The following C3orf22 variants were observed in gnomAD, a reference collection of about 807,000 sequenced individuals.
C3orf22 encodes uncharacterized protein C3orf22.
Under a neutral mutation model 10.8 loss-of-function variants are expected in C3orf22, and 7 were observed. That is an observed-to-expected ratio of 0.65 (90% CI 0.37 to 1.22). C3orf22 has a LOEUF of 1.22. C3orf22 is among the 50% of genes most tolerant of loss of function. The pLI, the probability that C3orf22 is intolerant of heterozygous loss-of-function variation, is 0.02. For synonymous variants in C3orf22, 79 were observed against 78.9 expected, an observed-to-expected ratio of 1.00 and a Z score of 0.00; for missense variants, 173 against 177.0, an observed-to-expected ratio of 0.98 and a Z score of 0.13.
chr3:126,529,480 A>C, intron 4 of C3orf22: 5 of 1,028,110 alleles, frequency 4.9e-6, no homozygotes, highest in Non-Finnish European at 6.4e-6. Context: ...CTGGGGTCAA[A>C]TTCTGTTTCT....
intron 3 of C3orf22, among the ~76,000 whole-genome samples, chr3:126,551,634 C>T (rs991515814): frequency 2.0e-5 from 3 of 152,212 alleles, no homozygotes; most frequent in Admixed American, 2.0e-4. Context: ...TTAGCCGGCC[C>T]AGTGCAGCCA....
At chr3:126,536,403 G>T in intron 4 of C3orf22, 8 of 1,455,294 alleles carry the variant, frequency 5.5e-6, no homozygotes, top group Non-Finnish European at 7.7e-6. Flanking sequence ...ATCCCAGCCA[G>T]GAGCCTGACA....
In C3orf22 at chr3:126,552,057, T is replaced by A. The variant is rs755298812; in HGVS notation, c.155A>T (p.Asn52Ile). 6.2e-7 allele frequency: 1 copy of A among 1,613,780 alleles called. No individual in the cohort carries two copies. Among genetic ancestry groups the A allele is most frequent in the South Asian group, 1.1e-5 (1 of 91,014 alleles). The change falls in exon 3 of 4, where the codon AAC becomes ATC. Residue 52 changes from asparagine (N) to isoleucine (I), a missense_variant. Physicochemically the swap from Asn to Ile is moderately radical, Grantham distance 149 (BLOSUM62 -3). Coordinates refer to ENST00000318225, the MANE Select transcript of C3orf22 (RefSeq NM_152533.3). ...CTTCTGCAGGGGCAGCTGCACCGTG[T>A]TCGAGTCGTTTGTGACCTCCCAGGG... ...LQPWEVTNDSNTVQLPLQKRL... is the reference protein window; with the variant it reads ...LQPWEVTNDSITVQLPLQKRL...
At chr3:126,531,761 T>C (rs926046495) in intron 4 of C3orf22, among the ~76,000 whole-genome samples, 7 of 152,270 alleles carry the variant, frequency 4.6e-5, no homozygotes, top group African/African-American at 1.7e-4. Flanking sequence ...TGAATAATGC[T>C]GATGGGAACA....
intron 2 of C3orf22, 54 bp downstream of exon 2, chr3:126,553,248 T>C (rs1207416295): frequency 1.6e-6 from 2 of 1,271,660 alleles, no homozygotes; most frequent in Non-Finnish European, 2.3e-6. Context: ...CCCAGGATGC[T>C]GGGGTGACCT....
intron 2 of C3orf22, 143 bp from the exon 3 acceptor site, chr3:126,552,265 C>T: frequency 7.6e-7 from 1 of 1,324,498 alleles, no homozygotes; most frequent in Non-Finnish European, 1.0e-6. Flanking sequence ...GACAAGCATG[C>T]TGTGAGGCAG....
At chr3:126,557,227 C>T (rs1937369516) in intron 1 of C3orf22, among the ~76,000 whole-genome samples, 1 of 152,236 alleles carries the variant, frequency 6.6e-6, no homozygotes, top group Non-Finnish European at 1.5e-5. Flanking sequence ...TCCTCTGCTG[C>T]GTGACCTGGG....
At chr3:126,537,402 A>G (rs1450604578) in intron 4 of C3orf22, among the ~76,000 whole-genome samples, 1 of 152,262 alleles carries the variant, frequency 6.6e-6, no homozygotes, top group Admixed American at 6.5e-5. Context: ...TAAGCAAGGA[A>G]GGACAGCATC....
chr3:126,553,391 C>T lies in C3orf22; in HGVS notation c.-1G>A. The T allele has an allele frequency of 6.2e-7, 1 of 1,613,782 alleles. No individual in the cohort carries two copies. Among genetic ancestry groups the T allele is most frequent in the South Asian group, 1.1e-5 (1 of 91,072 alleles). ...ACTTCTTGCAGGCACTGGAGTCCAT[C>T]ACTGAGTGGGTTAAGCTGAGGCACA... On this transcript the variant is annotated 5_prime_UTR_variant, in exon 2 of 4. Coordinates refer to ENST00000318225, the MANE Select transcript of C3orf22 (RefSeq NM_152533.3).
At chr3:126,543,817 G>A (rs1021367535) in intron 4 of C3orf22, among the ~76,000 whole-genome samples, 3 of 152,164 alleles carry the variant, frequency 2.0e-5, no homozygotes, top group African/African-American at 7.2e-5. Context: ...CTCCCCCAGG[G>A]CTGTGTCCAG....
downstream of C3orf22, among the ~76,000 whole-genome samples, chr3:126,546,284 C>T (rs1937066706): frequency 6.6e-6 from 1 of 152,210 alleles, no homozygotes. Flanking sequence ...GATAAATGCT[C>T]CAGCTTTTAT....
rs1253957423 is a variant in C3orf22, at chr3:126,550,002, A to C, written c.292T>G (p.Cys98Gly). The change falls in exon 4 of 4, where the codon TGC (cysteine) becomes GGC (glycine). Residue 98 changes from cysteine to glycine, a missense_variant. Cys to Gly is a radical substitution (Grantham distance 159). Coordinates refer to ENST00000318225, the MANE Select transcript of C3orf22 (RefSeq NM_152533.3). Reference protein sequence around the residue: ...PLPAPSPPPLCNLWELKLLSR... With the variant: ...PLPAPSPPPLGNLWELKLLSR... ...AGCAACTTGAGTTCCCAAAGGTTGC[A>C]CAGTGGAGGTGGTGATGGTGCTGGT... The C allele has an allele frequency of 1.9e-6, 3 of 1,613,974 alleles. No individual in the cohort carries two copies. The highest frequency in any genetic ancestry group is 2.5e-6 in the Non-Finnish European group (3 of 1,180,006).
At position 126,549,842 on chromosome 3, in the gene C3orf22, A is replaced by T; in HGVS notation, c.*26T>A. 6.3e-7 allele frequency: 1 copy of T among 1,588,556 alleles called. No individual in the cohort carries two copies. Among genetic ancestry groups the T allele is most frequent in the South Asian group, 1.1e-5 (1 of 87,554 alleles). On this transcript the variant is annotated 3_prime_UTR_variant, in exon 4 of 4. Coordinates refer to ENST00000318225, the MANE Select transcript of C3orf22 (RefSeq NM_152533.3). ...CCTGCCAAGGAGAAGGTGGCCAATA[A>T]GAAGGCCACACACAGAGCCCAGTCT...
intron 4 of C3orf22, among the ~76,000 whole-genome samples, chr3:126,536,896 AACACACACACACACACAC>A (rs10670471): frequency 7.1e-6 from 1 of 140,400 alleles, no homozygotes; most frequent in Non-Finnish European, 1.6e-5. Flanking sequence ...CACACACACA[AACACACACACACACACAC>A]ACACACACAC....
intron 4 of C3orf22, chr3:126,541,890 C>T: frequency 6.2e-7 from 1 of 1,600,442 alleles, no homozygotes. Flanking sequence ...TGCTACGTGC[C>T]CAAGGTGGCC....
chr3:126,539,759 A>AAAAGTGTG (rs2107571470), intron 4 of C3orf22, among the ~76,000 whole-genome samples: 1 of 70,758 alleles, frequency 1.4e-5, no homozygotes, highest in African/African-American at 6.6e-5. Flanking sequence ...CACACACTCC[A>AAAAGTGTG]CACCACACAC....
chr3:126,539,806 CACACACCACAA>C, intron 4 of C3orf22, among the ~76,000 whole-genome samples: 1 of 103,778 alleles, frequency 9.6e-6, no homozygotes, highest in African/African-American at 4.3e-5. Context: ...GACACCACAC[CACACACCACAA>C]ACACACATAC....
At chr3:126,541,981 G>C (rs374527763) in intron 4 of C3orf22, 1 of 1,569,920 alleles carries the variant, frequency 6.4e-7, no homozygotes, top group African/African-American at 1.4e-5. Flanking sequence ...CGCAAGAGGC[G>C]CACGCGCCTG....
chr3:126,543,709 A>G (rs986777251), intron 4 of C3orf22, among the ~76,000 whole-genome samples: 1 of 150,134 alleles, frequency 6.7e-6, no homozygotes, highest in Non-Finnish European at 1.5e-5. Flanking sequence ...TATGAGTGTA[A>G]GAGTGTGCAT....
Sources: allele counts gnomAD v4.1 joint callset (sites outside exome capture counted in the v4.1 genomes callset), GRCh38; gene constraint gnomAD v4.1.1; transcripts MANE v1.5; gene names NCBI Gene and HGNC (gene_info 2026-07-23, HGNC 2026-07-21).